Variants in NHSL1 observed in about 807,000 individuals in gnomAD.
The protein encoded by NHSL1 is NHS-like protein 1.
In NHSL1, 48 loss-of-function variants were observed where a neutral mutation model predicts 95.0. The observed-to-expected ratio is 0.51, with a 90% CI of 0.40 to 0.64. The LOEUF (loss-of-function observed/expected upper bound fraction) is 0.64. Among genes scored for constraint, NHSL1 ranks in the 30% least tolerant of loss-of-function variants. The probability of loss-of-function intolerance (pLI) is 0.00; values close to 1 mark genes in which losing one functional copy is unlikely to be tolerated. For synonymous variants in NHSL1, 783 were observed against 833.9 expected, an observed-to-expected ratio of 0.94 and a Z score of 1.05; for missense variants, 1,971 against 2,077.7, an observed-to-expected ratio of 0.95 and a Z score of 1.00.
Position 138,432,135 on chromosome 6 carries a change from C to A in NHSL1, c.2210G>T (p.Arg737Leu), listed in dbSNP as rs762058595. 6 of 1,549,342 alleles carry A rather than the reference C, an allele frequency of 3.9e-6. No homozygotes were observed. The highest frequency in any genetic ancestry group is 1.2e-5 in the South Asian group (1 of 83,896). Residue 737 changes from arginine to leucine, a missense_variant, in exon 6 of 8, where the codon CGG becomes CTG. Coordinates refer to ENST00000343505, the MANE Select transcript of NHSL1 (RefSeq NM_001144060.2). The surrounding 1 kb of genome is among the most constrained non-coding windows in gnomAD (Gnocchi z 4.4). ...DLEEPWLPRS[R>L]SQSTVSAGSS... ...GCCAGCACTAACTGTGCTCTGGCTC[C>A]GGGAGCGGGGCAGCCAGGGCTCTTC...
In NHSL1 at chr6:138,430,722, G is replaced by A. The variant is rs572095212; in HGVS notation, c.3623C>T (p.Pro1208Leu). The A allele has an allele frequency of 1.7e-4, 265 of 1,551,762 alleles. No homozygotes were observed. In the African/African-American group the frequency reaches 1.9e-3, roughly 11 times the overall value. Reference protein sequence around the residue: ...KPKLFLVVPPPQKDFAVEPAE... With the variant: ...KPKLFLVVPPLQKDFAVEPAE... Reference sequence around the variant, plus strand: ...GGGCTCCACTGCAAAATCTTTCTGCGGAGGTGGTACCACCAGGAACAGTTT... The same window carrying A: ...GGGCTCCACTGCAAAATCTTTCTGCAGAGGTGGTACCACCAGGAACAGTTT... Residue 1208 changes from proline to leucine, a missense_variant, in exon 6 of 8, where the codon CCG becomes CTG. Coordinates refer to ENST00000343505, the MANE Select transcript of NHSL1 (RefSeq NM_001144060.2). The surrounding 1 kb of genome is among the most constrained non-coding windows in gnomAD (Gnocchi z 4.7).
chr6:138,509,868 A>G (rs1229234982), intron 1 of NHSL1, among the ~76,000 whole-genome samples: 1 of 152,214 alleles, frequency 6.6e-6, no homozygotes, highest in African/African-American at 2.4e-5. Context: ...TTCTAAATCA[A>G]TAAGGGGGCA....
At chr6:138,566,123 C>G (rs568965864) in intron 1 of NHSL1, among the ~76,000 whole-genome samples, 5 of 152,148 alleles carry the variant, frequency 3.3e-5, no homozygotes, top group East Asian at 1.9e-4. Context: ...GTTGGCCAGG[C>G]GTGGTGGCTC....
intron 1 of NHSL1, among the ~76,000 whole-genome samples, chr6:138,663,882 A>G (rs1225471153): frequency 3.3e-5 from 5 of 152,072 alleles, no homozygotes; most frequent in Admixed American, 3.3e-4. Flanking sequence ...AAGAAAAAAA[A>G]TCATTCTAGG....
At chr6:138,605,555 C>A (rs1784421863) in intron 1 of NHSL1, among the ~76,000 whole-genome samples, 2 of 152,192 alleles carry the variant, frequency 1.3e-5, no homozygotes, top group Non-Finnish European at 2.9e-5. Flanking sequence ...AAGGTGTCAG[C>A]TATCTTAAAA....
upstream of NHSL1, among the ~76,000 whole-genome samples, chr6:138,546,271 G>A (rs987701029): frequency 1.3e-5 from 2 of 151,860 alleles, no homozygotes; most frequent in Non-Finnish European, 2.9e-5. Flanking sequence ...CACAAAGTAA[G>A]TGCTATCATT....
chr6:138,676,276 C>T (rs554279388), intron 1 of NHSL1, among the ~76,000 whole-genome samples: 13 of 152,136 alleles, frequency 8.5e-5, no homozygotes, highest in Non-Finnish European at 1.9e-4. Flanking sequence ...CAAATCTAAC[C>T]ATCAGCTATG....
chr6:138,652,714 C>T (rs1785108744), intron 1 of NHSL1, among the ~76,000 whole-genome samples: 2 of 152,138 alleles, frequency 1.3e-5, no homozygotes, highest in Admixed American at 1.3e-4. Flanking sequence ...AAAATACCTA[C>T]CTCTAAAAGG....
In NHSL1 at chr6:138,493,701, T is replaced by C. The variant is rs1008421540; in HGVS notation, c.211+2518A>G. 3.3e-5 allele frequency among the ~76,000 whole-genome samples: 5 copies of C among 152,244 alleles called. No homozygotes were observed. The East Asian group carries it at 9.6e-4, about 29-fold the overall frequency. On this transcript the variant is annotated intron_variant, in intron 2 of 7. Transcript: ENST00000343505. ...GGAACGGTGCCATTTAACATTCTTA[T>C]TAGCAATTTGGTGGAGGAAGGTGAA...
At chr6:138,570,025 CT>C (rs1024485675) in intron 1 of NHSL1, among the ~76,000 whole-genome samples, 3 of 152,246 alleles carry the variant, frequency 2.0e-5, no homozygotes, top group Non-Finnish European at 4.4e-5. Context: ...CAAGTTGCCC[CT>C]GTCCTTTACA....
chr6:138,516,895 A>C (rs971759004), intron 1 of NHSL1, among the ~76,000 whole-genome samples: 2 of 152,160 alleles, frequency 1.3e-5, no homozygotes, highest in Non-Finnish European at 2.9e-5. Context: ...TCAGCCTCCC[A>C]AAGTGCTGGG....
intron 1 of NHSL1, among the ~76,000 whole-genome samples, chr6:138,641,622 C>CAAAAAAAA (rs771307557): frequency 1.2e-4 from 9 of 76,460 alleles, no homozygotes; most frequent in African/African-American, 4.2e-4. Flanking sequence ...GACTCCGTCT[C>CAAAAAAAA]AAAAAAAAAA....
upstream of NHSL1, among the ~76,000 whole-genome samples, chr6:138,546,326 C>T (rs1782792006): frequency 6.7e-6 from 1 of 148,310 alleles, no homozygotes; most frequent in East Asian, 2.0e-4. Context: ...CATGGTGGCT[C>T]ACACCTATAA....
intron 1 of NHSL1, among the ~76,000 whole-genome samples, chr6:138,690,860 A>T (rs930337224): frequency 6.6e-6 from 1 of 152,226 alleles, no homozygotes; most frequent in Non-Finnish European, 1.5e-5. Context: ...ACAGTAGCCT[A>T]TTGGGGCATA....
At chr6:138,536,678 G>A (rs940150064) in intron 1 of NHSL1, among the ~76,000 whole-genome samples, 19 of 127,990 alleles carry the variant, frequency 1.5e-4, no homozygotes, top group Admixed American at 1.1e-3. Context: ...GGTTTGTTAC[G>A]TAGGTATACA....
At chr6:138,634,939 C>T (rs559470078) in intron 1 of NHSL1, among the ~76,000 whole-genome samples, 1 of 151,752 alleles carries the variant, frequency 6.6e-6, no homozygotes, top group Admixed American at 6.6e-5. Flanking sequence ...TTCTGAATGG[C>T]CAGTGGGTCA....
At chr6:138,552,163 G>A (rs1562365974) in intron 1 of NHSL1, among the ~76,000 whole-genome samples, 1 of 152,168 alleles carries the variant, frequency 6.6e-6, no homozygotes, top group African/African-American at 2.4e-5. Flanking sequence ...GCTCATGCCT[G>A]TAATCCCAGC....
At chr6:138,623,694 A>C (rs1784697571) in intron 1 of NHSL1, among the ~76,000 whole-genome samples, 1 of 152,176 alleles carries the variant, frequency 6.6e-6, no homozygotes, top group Admixed American at 6.5e-5. Context: ...TACAGTTTAC[A>C]AGCCAAACTC....
intron 3 of NHSL1, 63 bp downstream of exon 3, chr6:138,473,243 A>C: frequency 7.6e-7 from 1 of 1,322,540 alleles, no homozygotes; most frequent in Middle Eastern, 2.8e-4. Flanking sequence ...CAGTTTGTCC[A>C]CATATATCCT....
Sources: gnomAD v4.1 joint callset for allele counts (sites outside exome capture counted in the v4.1 genomes callset) on GRCh38, gnomAD v4.1.1 for gene constraint, Gnocchi (gnomAD v3.1) non-coding constraint, MANE v1.5 for transcripts, NCBI Gene and HGNC (gene_info 2026-07-23, HGNC 2026-07-21) for gene names.